Variants in MYLK4 observed in about 807,000 individuals in gnomAD.
MYLK4 encodes the protein caMLCK like.
Under a neutral mutation model 48.1 loss-of-function variants are expected in MYLK4, and 46 were observed. The ratio of observed to expected loss-of-function variants is 0.96; its 90% confidence interval spans 0.75 to 1.22. The LOEUF is 1.22. Among genes scored for constraint, MYLK4 ranks in the 50% most tolerant of loss-of-function variants. MYLK4 has a pLI of 0.00. For missense variants in MYLK4, 451 were observed against 486.1 expected (o/e 0.93, Z 0.68); for synonymous variants, 170 against 180.8 (o/e 0.94, Z 0.48).
chr6:2,740,476 C>G (rs1044883364), intron 2 of MYLK4, among the ~76,000 whole-genome samples: 1 of 152,188 alleles, frequency 6.6e-6, no homozygotes, highest in Non-Finnish European at 1.5e-5. Flanking sequence ...AGATGGCGCC[C>G]GGGGAATCAG....
chr6:2,736,005 T>C (rs1461267382), intron 2 of MYLK4, among the ~76,000 whole-genome samples: 1 of 152,118 alleles, frequency 6.6e-6, no homozygotes, highest in Non-Finnish European at 1.5e-5. Context: ...CGGTAGGTGG[T>C]CTCCAAGGGG....
Position 2,719,289 on chromosome 6 carries a change from G to A in MYLK4, c.160-26430C>T, listed in dbSNP as rs1410391970. On this transcript the variant is annotated intron_variant, in intron 2 of 12. Coordinates refer to ENST00000274643, the MANE Select transcript of MYLK4 (RefSeq NM_001012418.5). ...TTTTATCAGTGAGAAAGGTGGGGAG[G>A]GGAGGAGGACCAGACCAATGGTATT... 2.6e-5 allele frequency among the ~76,000 whole-genome samples: 4 copies of A among 152,268 alleles called. No homozygotes were observed. In the East Asian group the frequency reaches 7.7e-4, roughly 29 times the overall value.
intron 2 of MYLK4, among the ~76,000 whole-genome samples, chr6:2,706,057 C>T (rs531393282): frequency 6.6e-6 from 1 of 152,278 alleles, no homozygotes; most frequent in African/African-American, 2.4e-5. Context: ...CCGTCGATAA[C>T]ACTGAATAAT....
rs924575520 is a variant in MYLK4 at position 2,672,593 on chromosome 6, A to T, written c.1120-1245T>A. Among the ~76,000 whole-genome samples the T allele has an allele frequency of 2.7e-4, 41 of 152,258 alleles. No individual in the cohort carries two copies. The highest frequency in any genetic ancestry group is 9.4e-4 in the African/African-American group (39 of 41,478). ...GTTTTGGATCAGAATTAAATTTTCA[A>T]CTTAAAAGTAAATTCTGATTTTGTA... On this transcript the variant is annotated intron_variant, in intron 11 of 12. Coordinates refer to ENST00000274643, the MANE Select transcript of MYLK4 (RefSeq NM_001012418.5). This position sits in a 1 kb window ranked among gnomAD's most constrained non-coding sequence, Gnocchi z 4.3.
At chr6:2,758,223 C>T in the MYLK4 span, among the ~76,000 whole-genome samples, 1 of 151,986 alleles carries the variant, frequency 6.6e-6, no homozygotes, top group Non-Finnish European at 1.5e-5. Flanking sequence ...TCTGGAGTAG[C>T]TCAGTTTTCT....
chr6:2,764,262 TAACC>T, the MYLK4 span, among the ~76,000 whole-genome samples: 2 of 152,110 alleles, frequency 1.3e-5, no homozygotes, highest in African/African-American at 4.8e-5. Flanking sequence ...AAACAACTCT[TAACC>T]AGCCAGCCAG....
At chr6:2,731,565 A>T (rs1763481224) in intron 2 of MYLK4, among the ~76,000 whole-genome samples, 1 of 152,068 alleles carries the variant, frequency 6.6e-6, no homozygotes, top group Admixed American at 6.6e-5. Context: ...CTTAATCCCT[A>T]CAGATTAGAT....
chr6:2,730,750 G>T lies in MYLK4; in HGVS notation c.159+18386C>A, dbSNP rs180966311. On this transcript the variant is annotated intron_variant, in intron 2 of 12. Coordinates refer to ENST00000274643, the MANE Select transcript of MYLK4 (RefSeq NM_001012418.5). Reference sequence around the variant, plus strand: ...GAATTTATTCATCTTAAAAAAATACGAAGTGAAAAATTATCCATTAGCACA... The same window carrying T: ...GAATTTATTCATCTTAAAAAAATACTAAGTGAAAAATTATCCATTAGCACA... Among the ~76,000 whole-genome samples, 28 of 151,854 alleles carry T rather than the reference G, an allele frequency of 1.8e-4. No homozygotes were observed. In the East Asian group the frequency reaches 5.2e-3, roughly 28 times the overall value.
At chr6:2,767,157 T>TTAGCGTTCCAGATGAGGGCAGTTAGG in the MYLK4 span, among the ~76,000 whole-genome samples, 1 of 152,214 alleles carries the variant, frequency 6.6e-6, no homozygotes, top group African/African-American at 2.4e-5. Context: ...TCGTGAGGCG[T>TTAGCGTTCCAGATGAGGGCAGTTAGG]TAGCGTTCCA....
intron 2 of MYLK4, among the ~76,000 whole-genome samples, chr6:2,736,518 G>A (rs1160822056): frequency 6.6e-6 from 1 of 152,202 alleles, no homozygotes; most frequent in Non-Finnish European, 1.5e-5. Context: ...TCTCACATAA[G>A]AGAATATTGA....
At chr6:2,728,291 C>T (rs1031553456) in intron 2 of MYLK4, among the ~76,000 whole-genome samples, 1 of 152,180 alleles carries the variant, frequency 6.6e-6, no homozygotes, top group Admixed American at 6.5e-5. Context: ...AAGACACAGG[C>T]AGTGCAGGGG....
At chr6:2,753,861 T>A (rs1764357521), upstream of MYLK4, among the ~76,000 whole-genome samples, 1 of 151,674 alleles carries the variant, frequency 6.6e-6, no homozygotes, top group African/African-American at 2.4e-5. Flanking sequence ...GTAATAATAA[T>A]GAAAAAAATA....
rs552796419 is a variant in MYLK4 at position 2,686,619 on chromosome 6, C to T, written c.342-1043G>A. Among the ~76,000 whole-genome samples, 176 of 152,334 alleles carry T rather than the reference C, an allele frequency of 1.2e-3. 1 individual carries two copies. The highest frequency in any genetic ancestry group is 5.8e-4 in the East Asian group (3 of 5,174). On this transcript the variant is annotated intron_variant, in intron 4 of 12. Transcript: ENST00000274643. Reference sequence around the variant, plus strand: ...AGCAACACAGTGAACCCGAGGCAAGCCCTATGACAAGGCAGAGGACTTCAG... The same window carrying T: ...AGCAACACAGTGAACCCGAGGCAAGTCCTATGACAAGGCAGAGGACTTCAG...
chr6:2,679,889 T>A (rs1761227084), intron 8 of MYLK4, among the ~76,000 whole-genome samples: 1 of 152,224 alleles, frequency 6.6e-6, no homozygotes, highest in Non-Finnish European at 1.5e-5. Flanking sequence ...TTGCTTACGT[T>A]GTTAATATTT....
upstream of MYLK4, among the ~76,000 whole-genome samples, chr6:2,752,823 A>G (rs1764329752): frequency 6.6e-6 from 1 of 152,224 alleles, no homozygotes; most frequent in African/African-American, 2.4e-5. Flanking sequence ...CTAAAAAGCA[A>G]GTCAATTAAA....
chr6:2,728,654 G>A (rs73352558), intron 2 of MYLK4, among the ~76,000 whole-genome samples: 3,107 of 152,306 alleles, frequency 0.02, 85 homozygotes, highest in African/African-American at 0.071. Flanking sequence ...GCAGCTGGGA[G>A]GCCCGTGGAG....
chr6:2,708,349 G>C (rs539787380), intron 2 of MYLK4, among the ~76,000 whole-genome samples: 1 of 152,294 alleles, frequency 6.6e-6, no homozygotes, highest in South Asian at 2.1e-4. Flanking sequence ...GTTTGGGAAT[G>C]ATTTTTCAGA....
intron 1 of MYLK4, 77 bp from the exon 2 acceptor site, chr6:2,749,483 A>G: frequency 2.2e-6 from 1 of 451,738 alleles, no homozygotes. Flanking sequence ...ACCAGTGAGA[A>G]TTTGGAAGTC....
intron 2 of MYLK4, among the ~76,000 whole-genome samples, chr6:2,738,935 T>G (rs1323397687): frequency 6.6e-6 from 1 of 152,242 alleles, no homozygotes; most frequent in African/African-American, 2.4e-5. Flanking sequence ...TATGTTAATG[T>G]AAGTTTATCC....
Sources: allele counts gnomAD v4.1 joint callset (sites outside exome capture counted in the v4.1 genomes callset), GRCh38; gene constraint gnomAD v4.1.1; non-coding constraint Gnocchi (gnomAD v3.1); transcripts MANE v1.5; gene names NCBI Gene and HGNC (gene_info 2026-07-23, HGNC 2026-07-21).